Variants in ULK4 observed in about 807,000 individuals in gnomAD.
The protein encoded by ULK4 is unc-51 like kinase 4, also known as inactive serine/threonine-protein kinase ULK4.
ULK4 carries 133 observed loss-of-function variants against 160.6 expected under a neutral mutation model. That is an observed-to-expected ratio of 0.83 (90% CI 0.72 to 0.96). ULK4 has a LOEUF of 0.96. ULK4 is among the 40% of genes least tolerant of loss of function. The pLI is 0.00. For missense variants in ULK4, 1,580 were observed against 1,499.5 expected (o/e 1.05, Z -0.89); for synonymous variants, 534 against 539.8 (o/e 0.99, Z 0.15).
chr3:41,777,854 A>G lies in ULK4; in HGVS notation c.2193+11807T>C, dbSNP rs988242462. On this transcript the variant is annotated intron_variant, in intron 21 of 36. Coordinates refer to ENST00000301831, the MANE Select transcript of ULK4 (RefSeq NM_017886.4). ...AGCTTTACTTCCAACTACATGGTCA[A>G]TTTAAACCCACAGCCAATATCATAC... 9.1e-5 allele frequency among the ~76,000 whole-genome samples: 13 copies of G among 143,070 alleles called. 2 individuals carry two copies. The highest frequency in any genetic ancestry group is 1.3e-4 in the African/African-American group (5 of 37,774). The allele number at this position is 143,070 out of a possible 152,430, so 93.9% of individuals were successfully genotyped here.
chr3:41,279,165 C>T (rs1049759401), intron 35 of ULK4, among the ~76,000 whole-genome samples: 3 of 149,520 alleles, frequency 2.0e-5, no homozygotes, highest in East Asian at 3.9e-4. Flanking sequence ...GTTTAAATAG[C>T]CAATTCGATC....
chr3:41,265,862 C>T (rs1041251876), intron 35 of ULK4, among the ~76,000 whole-genome samples: 1 of 152,116 alleles, frequency 6.6e-6, no homozygotes, highest in Non-Finnish European at 1.5e-5. Flanking sequence ...TGTCAGCTGA[C>T]CCAAAAGCAT....
intron 30 of ULK4, among the ~76,000 whole-genome samples, chr3:41,660,424 G>A (rs1377272025): frequency 6.6e-6 from 1 of 152,150 alleles, no homozygotes; most frequent in South Asian, 2.1e-4. Flanking sequence ...AGAAAGAAAT[G>A]AGACTTCTCA....
At chr3:41,459,405 C>T (rs996995970) in intron 33 of ULK4, among the ~76,000 whole-genome samples, 14 of 152,084 alleles carry the variant, frequency 9.2e-5, no homozygotes, top group African/African-American at 3.4e-4. Context: ...TTTTAGCACA[C>T]AGTGGAGCAT....
intron 22 of ULK4, among the ~76,000 whole-genome samples, chr3:41,731,088 G>C (rs2037805809): frequency 6.6e-6 from 1 of 151,058 alleles, no homozygotes; most frequent in African/African-American, 2.4e-5. Context: ...TACCTGAATA[G>C]GAAAAAAAAT....
intron 30 of ULK4, among the ~76,000 whole-genome samples, chr3:41,659,377 G>A (rs1039865600): frequency 2.0e-4 from 30 of 152,342 alleles, no homozygotes; most frequent in African/African-American, 7.2e-4. Flanking sequence ...AAAGCCAAGA[G>A]AAGAGGATTT....
At position 41,463,255 on chromosome 3, in the gene ULK4, T is replaced by A. The variant is rs1184769279; in HGVS notation, c.3227-2A>T. The A allele has an allele frequency of 6.8e-6, 11 of 1,607,736 alleles. No individual in the cohort carries two copies. In the Admixed American group the frequency reaches 1.3e-4, roughly 20 times the overall value. ...GGTTACAGATGTGACTGACAAGTCC[T>A]GAGGGTAAAAAAGGAAAAGAAAAAA... is the stretch of plus-strand genomic sequence containing the variant. On this transcript the variant is annotated splice_acceptor_variant, in intron 32 of 36. Transcript: ENST00000301831. LOFTEE classifies it high-confidence loss of function.
chr3:41,951,432 C>T (rs1194293441), intron 2 of ULK4, among the ~76,000 whole-genome samples: 1 of 151,064 alleles, frequency 6.6e-6, no homozygotes, highest in Non-Finnish European at 1.5e-5. Context: ...CACACACTTC[C>T]TGATTCCAAA....
At chr3:41,937,902 A>G (rs1699830617) in intron 3 of ULK4, 196 bp downstream of exon 3, 1 of 389,336 alleles carries the variant, frequency 2.6e-6, no homozygotes, top group Non-Finnish European at 4.5e-6. Context: ...TAATACACGA[A>G]AGTAAATCCA....
chr3:41,923,684 A>C (rs1411025815), intron 5 of ULK4, among the ~76,000 whole-genome samples: 1 of 152,182 alleles, frequency 6.6e-6, no homozygotes, highest in Non-Finnish European at 1.5e-5. Context: ...TTGTACCTGC[A>C]ATTGAAGGAC....
chr3:41,619,800 A>C (rs1040427827), intron 30 of ULK4, among the ~76,000 whole-genome samples: 2 of 152,200 alleles, frequency 1.3e-5, no homozygotes, highest in African/African-American at 4.8e-5. Context: ...AGACACGAAA[A>C]ACCCTTCAAA....
At chr3:41,915,130 C>G (rs534545285) in intron 8 of ULK4, among the ~76,000 whole-genome samples, 2 of 152,202 alleles carry the variant, frequency 1.3e-5, no homozygotes, top group Admixed American at 1.3e-4. Flanking sequence ...GATACACCGT[C>G]TTAAGTAAAT....
At chr3:41,471,359 C>T (rs1370790650) in intron 32 of ULK4, among the ~76,000 whole-genome samples, 1 of 152,024 alleles carries the variant, frequency 6.6e-6, no homozygotes, top group Non-Finnish European at 1.5e-5. Flanking sequence ...AAAGCAAATA[C>T]TAAAGGATCT....
rs1343118022 is a variant in ULK4 at position 41,911,319 on chromosome 3, G to A, written c.1083C>T (p.Leu361=). 1.7e-5 allele frequency: 28 copies of A among 1,613,362 alleles called. No homozygotes were observed. Among genetic ancestry groups the A allele is most frequent in the Non-Finnish European group, 2.2e-5 (26 of 1,179,872 alleles). The change falls in exon 11 of 37, where the codon CTC becomes CTT. Residue 361 remains leucine (L), a splice_region_variant and synonymous_variant. Transcript: ENST00000301831. ...EGQLNESMFL[L]SSRPTPRTST... ...CCCTCTTTTTTCATTTTACCTACCTGAGAAGAAACATGGATTCATTCAATT... is the reference window on the plus strand; with the variant it reads ...CCCTCTTTTTTCATTTTACCTACCTAAGAAGAAACATGGATTCATTCAATT...
At chr3:41,772,834 A>T (rs1211878185) in intron 21 of ULK4, among the ~76,000 whole-genome samples, 1 of 152,232 alleles carries the variant, frequency 6.6e-6, no homozygotes, top group Admixed American at 6.5e-5. Context: ...AAATACTGAC[A>T]AACCAAATCC....
At chr3:41,366,098 C>G (rs1331298948) in intron 35 of ULK4, among the ~76,000 whole-genome samples, 2 of 152,180 alleles carry the variant, frequency 1.3e-5, no homozygotes, top group East Asian at 3.9e-4. Context: ...ATTTCAAAAG[C>G]TGGGGATGTC....
chr3:41,940,750 T>C (rs1031409759), intron 2 of ULK4, among the ~76,000 whole-genome samples: 4 of 152,196 alleles, frequency 2.6e-5, no homozygotes, highest in African/African-American at 9.7e-5. Context: ...CCTAATGTCA[T>C]CAATTCACCC....
At chr3:41,791,729 T>A (rs1451464792) in intron 20 of ULK4, among the ~76,000 whole-genome samples, 1 of 152,222 alleles carries the variant, frequency 6.6e-6, no homozygotes, top group Admixed American at 6.5e-5. Context: ...GGGAGATTTT[T>A]AAATTAATAC....
intron 32 of ULK4, among the ~76,000 whole-genome samples, chr3:41,542,163 C>T (rs1307897388): frequency 6.6e-6 from 1 of 152,014 alleles, no homozygotes; most frequent in Non-Finnish European, 1.5e-5. Flanking sequence ...TTGTCATAAA[C>T]AGCTGTTATT....
Sources: gnomAD v4.1 joint callset for allele counts (sites outside exome capture counted in the v4.1 genomes callset) on GRCh38, gnomAD v4.1.1 for gene constraint, MANE v1.5 for transcripts, NCBI Gene and HGNC (gene_info 2026-07-23, HGNC 2026-07-21) for gene names.